TCP11L2: variants seen among roughly 807,000 people sequenced by gnomAD.
TCP11L2 encodes the protein t-complex 11 like 2.
TCP11L2 carries 39 observed loss-of-function variants against 50.7 expected under a neutral mutation model. That is an observed-to-expected ratio of 0.77 (90% CI 0.60 to 1.01). The LOEUF (loss-of-function observed/expected upper bound fraction) is 1.01, where lower values mean the gene tolerates loss of function less well. Ranked by LOEUF, TCP11L2 falls within the 50% of genes least tolerant of loss-of-function variation. The pLI is 0.00. For missense variants in TCP11L2, 612 were observed against 614.7 expected, an observed-to-expected ratio of 1.00 and a Z score of 0.05; for synonymous variants, 192 against 219.3, an observed-to-expected ratio of 0.88 and a Z score of 1.10.
chr12:106,321,519 C>A lies in TCP11L2; in HGVS notation c.448C>A (p.Arg150=). 1 of 1,614,158 alleles carries A rather than the reference C, an allele frequency of 6.2e-7. No homozygotes were observed. The highest frequency in any genetic ancestry group is 1.1e-5 in the South Asian group (1 of 91,068). ...LLSFLTPGGN[R]LRNQICEVLD... is the part of the protein sequence containing the mutation. ...CTCTTTTCTCACTCCCGGTGGCAAC[C>A]GGCTTCGCAACCAAATCTGTGAAGT... Residue 150 remains arginine (R), a synonymous_variant, in exon 5 of 10, where the codon CGG becomes AGG. Transcript: ENST00000299045.
At chr12:106,310,580 G>A (rs2034814876) in intron 1 of TCP11L2, among the ~76,000 whole-genome samples, 1 of 152,142 alleles carries the variant, frequency 6.6e-6, no homozygotes, top group African/African-American at 2.4e-5. Flanking sequence ...TCAATCTTCT[G>A]GCAACCCAAT....
At chr12:106,343,949 GC>G (rs2036162021) in intron 9 of TCP11L2, among the ~76,000 whole-genome samples, 1 of 151,532 alleles carries the variant, frequency 6.6e-6, no homozygotes, top group South Asian at 2.1e-4. Context: ...AAGCCACTGT[GC>G]CTGGCCTGCC....
chr12:106,302,437 C>T (rs1015459683), upstream of TCP11L2, among the ~76,000 whole-genome samples: 1 of 147,766 alleles, frequency 6.8e-6, no homozygotes, highest in African/African-American at 2.5e-5. Context: ...GCCCCGCCCC[C>T]AGTGCCCTGG....
At chr12:106,308,831 C>G (rs779991844) in intron 1 of TCP11L2, among the ~76,000 whole-genome samples, 2 of 152,244 alleles carry the variant, frequency 1.3e-5, no homozygotes, top group East Asian at 3.9e-4. Context: ...GAAGCTGTAC[C>G]AAATGAGATT....
upstream of TCP11L2, among the ~76,000 whole-genome samples, chr12:106,300,923 T>A (rs912434547): frequency 4.6e-5 from 7 of 152,182 alleles, no homozygotes; most frequent in Admixed American, 3.9e-4. Flanking sequence ...GGTCACCTGC[T>A]CCAACTTATG....
intron 2 of TCP11L2, among the ~76,000 whole-genome samples, chr12:106,312,091 C>T (rs1251047912): frequency 6.6e-6 from 1 of 152,176 alleles, no homozygotes; most frequent in Admixed American, 6.5e-5. Context: ...TTCACATAGA[C>T]ATATGTGTGT....
chr12:106,318,050 A>G (rs2035166869), intron 3 of TCP11L2, among the ~76,000 whole-genome samples: 1 of 152,266 alleles, frequency 6.6e-6, no homozygotes, highest in South Asian at 2.1e-4. Context: ...AAGGGTAGCT[A>G]CATAAATTAT....
In TCP11L2 at chr12:106,335,842, CT is replaced by C. The variant is rs1356644620; in HGVS notation, c.960+18del. 1 of 1,605,496 alleles carries C rather than the reference CT, an allele frequency of 6.2e-7. No homozygotes were observed. Among genetic ancestry groups the C allele is most frequent in the African/African-American group, 1.3e-5 (1 of 74,310 alleles). On this transcript the variant is annotated intron_variant, in intron 7 of 9. Coordinates refer to ENST00000299045, the MANE Select transcript of TCP11L2 (RefSeq NM_152772.3). ...ATTACCAGAGGTGAGTGGTTTTGTT[CT>C]TCACCCAAATTTCCCAGTATTTTTA... is the stretch of plus-strand genomic sequence containing the variant.
chr12:106,315,359 A>G (rs1413018544), intron 3 of TCP11L2, among the ~76,000 whole-genome samples: 1 of 152,172 alleles, frequency 6.6e-6, no homozygotes, highest in Admixed American at 6.5e-5. Context: ...TGAACCCCCT[A>G]GACTACAATT....
At chr12:106,335,584 A>T in intron 6 of TCP11L2, 55 bp from the exon 7 acceptor site, 1 of 1,561,584 alleles carries the variant, frequency 6.4e-7, no homozygotes, top group Non-Finnish European at 8.7e-7. Flanking sequence ...AGTGGAATAC[A>T]CCAGTGAAGG....
At chr12:106,304,813 G>T (rs1286101524) in intron 1 of TCP11L2, among the ~76,000 whole-genome samples, 1 of 152,188 alleles carries the variant, frequency 6.6e-6, no homozygotes, top group African/African-American at 2.4e-5. Context: ...CTAATACGTG[G>T]GGTCTAACTA....
chr12:106,340,924 C>T lies in TCP11L2; in HGVS notation c.1241C>T (p.Ala414Val), dbSNP rs202158755. ...GAAAGAGGTTTACCCACTTTAAATG[C>T]TGAGATTCAAGCTAATCTTATAGGT... is the stretch of plus-strand genomic sequence containing the variant. Reference protein sequence around the residue: ...LMERGLPTLNAEIQANLIGQF... With the variant: ...LMERGLPTLNVEIQANLIGQF... Residue 414 changes from alanine to valine, a missense_variant, in exon 9 of 10, where the codon GCT becomes GTT. Physicochemically the swap from Ala to Val is moderately conservative, Grantham distance 64. Coordinates refer to ENST00000299045, the MANE Select transcript of TCP11L2 (RefSeq NM_152772.3). 2.0e-5 allele frequency: 32 copies of T among 1,613,532 alleles called. No individual in the cohort carries two copies. The highest frequency in any genetic ancestry group is 2.5e-5 in the Non-Finnish European group (30 of 1,179,770).
rs751727103 is a variant in TCP11L2, at chr12:106,318,449, T to G, written c.399T>G (p.Phe133Leu). The change falls in exon 4 of 10, where the codon TTT becomes TTG. Residue 133 changes from phenylalanine to leucine, a missense_variant. Coordinates refer to ENST00000299045, the MANE Select transcript of TCP11L2 (RefSeq NM_152772.3). ...PPEFEHAIKLFEEIREILLSF... is the reference protein window; with the variant it reads ...PPEFEHAIKLLEEIREILLSF... The stretch of plus-strand genomic sequence containing the variant: ...AGTTTGAACATGCCATCAAACTGTT[T>G]GAAGAAATCAGAGAGGCAAGTTGCT... 6.2e-6 allele frequency: 10 copies of G among 1,613,944 alleles called. No homozygotes were observed. The highest frequency in any genetic ancestry group is 1.3e-5 in the African/African-American group (1 of 75,060).
At chr12:106,306,339 C>G (rs373582507) in intron 1 of TCP11L2, among the ~76,000 whole-genome samples, 2 of 152,176 alleles carry the variant, frequency 1.3e-5, no homozygotes, top group East Asian at 3.8e-4. Context: ...TAACATTTTG[C>G]TCTATGTGCT....
chr12:106,309,632 G>A (rs1387436444), intron 1 of TCP11L2, among the ~76,000 whole-genome samples: 4 of 151,302 alleles, frequency 2.6e-5, no homozygotes, highest in Non-Finnish European at 2.9e-5. Context: ...CCCTTCTCCC[G>A]CTCTGCTAAT....
intron 5 of TCP11L2, 79 bp downstream of exon 5, chr12:106,321,785 G>T: frequency 8.4e-7 from 1 of 1,193,582 alleles, no homozygotes; most frequent in South Asian, 1.3e-5. Context: ...AGGGAACACA[G>T]AATAACAACT....
At chr12:106,345,567 A>G (rs1056671530) in intron 9 of TCP11L2, among the ~76,000 whole-genome samples, 3 of 152,212 alleles carry the variant, frequency 2.0e-5, no homozygotes, top group Non-Finnish European at 4.4e-5. Context: ...CCAGTTTACA[A>G]ACTCAGCTTT....
At chr12:106,329,579 A>G (rs2035675527) in intron 6 of TCP11L2, 3 of 1,393,196 alleles carry the variant, frequency 2.2e-6, no homozygotes, top group Non-Finnish European at 2.8e-6. Flanking sequence ...CAAAGTCTCC[A>G]GGAGCTGTGC....
rs950947186 is a variant in TCP11L2 at position 106,314,499 on chromosome 12, C to T, written c.293+6C>T. On this transcript the variant is annotated splice_donor_region_variant and intron_variant, in intron 3 of 9. Coordinates refer to ENST00000299045, the MANE Select transcript of TCP11L2 (RefSeq NM_152772.3). ...GAGGCTCTCCCAGAAAAGAGGTAAC[C>T]TGGGGGCATTTGTTGTATATAAACT... The T allele has an allele frequency of 2.3e-5, 37 of 1,582,350 alleles. No homozygotes were observed. The highest frequency in any genetic ancestry group is 1.7e-4 in the Middle Eastern group (1 of 5,944).
Sources: gnomAD v4.1 joint callset for allele counts (sites outside exome capture counted in the v4.1 genomes callset) on GRCh38, gnomAD v4.1.1 for gene constraint, MANE v1.5 for transcripts, NCBI Gene and HGNC (gene_info 2026-07-23, HGNC 2026-07-21) for gene names.